Variants in UGGT2 observed in about 807,000 individuals in gnomAD.
UGGT2 encodes the protein UDP-glucose:glycoprotein glucosyltransferase 2.
A neutral mutation model predicts 192.1 loss-of-function variants in UGGT2; 180 were observed. That is an observed-to-expected ratio of 0.94 (90% CI 0.83 to 1.06). UGGT2 has a LOEUF of 1.06. Ranked by LOEUF, UGGT2 falls within the 50% of genes least tolerant of loss-of-function variation. The pLI, the probability that UGGT2 is intolerant of heterozygous loss-of-function variation, is 0.00. For missense variants in UGGT2, 1,849 were observed against 1,795.7 expected, an observed-to-expected ratio of 1.03 and a Z score of -0.54; for synonymous variants, 580 against 591.0, an observed-to-expected ratio of 0.98 and a Z score of 0.27.
rs1435132431 is a variant in UGGT2, at chr13:96,026,698, T to C, written c.242-2939A>G. 1.1e-4 allele frequency among the ~76,000 whole-genome samples: 15 copies of C among 136,832 alleles called. 1 individual carries two copies. In the East Asian group the frequency reaches 3.4e-3, roughly 31 times the overall value. 89.8% of individuals were successfully genotyped at this position (136,832 alleles called of 152,430 possible). ...TTTTTTTTTTGAGACGGAGTCTCGC[T>C]CTGTCGCCCAGGTCGGACTGCGGAC... On this transcript the variant is annotated intron_variant, in intron 2 of 38. Coordinates refer to ENST00000376747, the MANE Select transcript of UGGT2 (RefSeq NM_020121.4).
At chr13:95,843,250 G>A (rs994750756) in intron 36 of UGGT2, among the ~76,000 whole-genome samples, 6 of 152,168 alleles carry the variant, frequency 3.9e-5, no homozygotes, top group African/African-American at 1.2e-4. Context: ...CAATGTATGC[G>A]AATTCTAGCA....
chr13:95,893,854 T>C (rs1431248316), intron 24 of UGGT2, among the ~76,000 whole-genome samples: 1 of 152,206 alleles, frequency 6.6e-6, no homozygotes, highest in Non-Finnish European at 1.5e-5. Flanking sequence ...AACAGCCTTT[T>C]ATTTCCATCC....
Position 95,927,130 on chromosome 13 carries a change from A to G in UGGT2, c.2102-4T>C, listed in dbSNP as rs1316601383. The G allele has an allele frequency of 6.2e-7, 1 of 1,607,480 alleles. No individual in the cohort carries two copies. The highest frequency in any genetic ancestry group is 8.5e-7 in the Non-Finnish European group (1 of 1,178,264). On this transcript the variant is annotated splice_polypyrimidine_tract_variant and splice_region_variant and intron_variant, in intron 18 of 38. Coordinates refer to ENST00000376747, the MANE Select transcript of UGGT2 (RefSeq NM_020121.4). ...AAATCTTCAACATCAGCAGTTACTGAAAAATTTCAAATTAAACGTTAAATA... is the reference window on the plus strand; with the variant it reads ...AAATCTTCAACATCAGCAGTTACTGGAAAATTTCAAATTAAACGTTAAATA...
intron 1 of UGGT2, among the ~76,000 whole-genome samples, chr13:96,047,613 T>C (rs977996356): frequency 6.6e-6 from 1 of 152,038 alleles, no homozygotes; most frequent in East Asian, 1.9e-4. Context: ...GAGACACACA[T>C]AGGCTCAAAA....
chr13:95,973,167 T>C (rs753986052), intron 10 of UGGT2, among the ~76,000 whole-genome samples: 4 of 151,618 alleles, frequency 2.6e-5, no homozygotes, highest in Non-Finnish European at 4.4e-5. Flanking sequence ...CGAAACTCCA[T>C]CTCAAAAAAA....
chr13:96,050,917 AT>A, intron 1 of UGGT2, among the ~76,000 whole-genome samples: 1 of 152,340 alleles, frequency 6.6e-6, no homozygotes, highest in Non-Finnish European at 1.5e-5. Context: ...TGTGGAAGAC[AT>A]TGTGGCGATT....
chr13:95,877,932 A>T, intron 27 of UGGT2, 76 bp from the exon 28 acceptor site: 4 of 1,402,320 alleles, frequency 2.9e-6, no homozygotes, highest in Non-Finnish European at 3.8e-6. Context: ...AATAAATGTG[A>T]TTATTTTAAT....
At chr13:95,996,625 T>C (rs913882783) in intron 6 of UGGT2, among the ~76,000 whole-genome samples, 4 of 152,196 alleles carry the variant, frequency 2.6e-5, no homozygotes, top group Admixed American at 6.5e-5. Context: ...GTGTGAGCTA[T>C]CTTTTTTAAC....
At chr13:95,954,710 A>G (rs1359086532) in intron 12 of UGGT2, among the ~76,000 whole-genome samples, 5 of 152,194 alleles carry the variant, frequency 3.3e-5, no homozygotes, top group Admixed American at 2.0e-4. Flanking sequence ...ACCAATGTAC[A>G]TCTTACATAT....
intron 27 of UGGT2, among the ~76,000 whole-genome samples, chr13:95,883,809 G>A (rs556175595): frequency 1.4e-4 from 22 of 152,116 alleles, no homozygotes; most frequent in African/African-American, 5.1e-4. Flanking sequence ...CTTCCAAAAC[G>A]CTTCCCTTTT....
chr13:95,978,537 C>T (rs2051013053), intron 10 of UGGT2, among the ~76,000 whole-genome samples: 1 of 152,118 alleles, frequency 6.6e-6, no homozygotes, highest in Non-Finnish European at 1.5e-5. Flanking sequence ...TTGATATGAT[C>T]CCATTTGTCC....
chr13:95,844,246 G>A (rs545983726), intron 36 of UGGT2, among the ~76,000 whole-genome samples: 1 of 152,294 alleles, frequency 6.6e-6, no homozygotes, highest in South Asian at 2.1e-4. Context: ...ACAGGCGTGA[G>A]CCACCACGCC....
At chr13:95,859,776 T>A in intron 32 of UGGT2, 101 bp from the exon 33 acceptor site, 1 of 882,520 alleles carries the variant, frequency 1.1e-6, no homozygotes, top group African/African-American at 1.7e-5. Flanking sequence ...TTTTAATTTC[T>A]TAAATTTTAC....
In UGGT2 at chr13:95,974,541, G is replaced by A. The variant is rs1440655835; in HGVS notation, c.1093-1870C>T. Reference sequence around the variant, plus strand: ...GAAAACAGGTAACAGACTGAACTCAGCAAGTCTGCTTGCTCAAACACTGTC... The same window carrying A: ...GAAAACAGGTAACAGACTGAACTCAACAAGTCTGCTTGCTCAAACACTGTC... On this transcript the variant is annotated intron_variant, in intron 10 of 38. Coordinates refer to ENST00000376747, the MANE Select transcript of UGGT2 (RefSeq NM_020121.4). 2.0e-5 allele frequency among the ~76,000 whole-genome samples: 3 copies of A among 152,190 alleles called. No individual in the cohort carries two copies. In the East Asian group the frequency reaches 5.8e-4, roughly 29 times the overall value.
intron 2 of UGGT2, among the ~76,000 whole-genome samples, chr13:96,026,831 C>T (rs2052684440): frequency 1.3e-5 from 2 of 151,900 alleles, no homozygotes; most frequent in Admixed American, 6.5e-5. Context: ...TCCACCGCGC[C>T]CGGCTAATTT....
At chr13:96,038,471 A>C (rs988279894) in intron 1 of UGGT2, among the ~76,000 whole-genome samples, 1 of 152,208 alleles carries the variant, frequency 6.6e-6, no homozygotes, top group African/African-American at 2.4e-5. Context: ...AGACTGTAAA[A>C]GAATGATATA....
chr13:95,991,255 G>A, intron 7 of UGGT2: 1 of 265,824 alleles, frequency 3.8e-6, no homozygotes, highest in Non-Finnish European at 7.7e-6. Context: ...GGGCATTGCT[G>A]GGTCAAATGG....
intron 29 of UGGT2, among the ~76,000 whole-genome samples, chr13:95,870,797 C>T (rs1255100916): frequency 6.6e-6 from 1 of 152,206 alleles, no homozygotes; most frequent in African/African-American, 2.4e-5. Flanking sequence ...ATTGTATTGC[C>T]ATTGTGGCAG....
chr13:95,853,445 GA>G, intron 36 of UGGT2, 97 bp downstream of exon 36: 1 of 916,440 alleles, frequency 1.1e-6, no homozygotes. Flanking sequence ...AGTAAATTGA[GA>G]AAAAACTCAA....
Sources: gnomAD v4.1 joint callset for allele counts (sites outside exome capture counted in the v4.1 genomes callset) on GRCh38, gnomAD v4.1.1 for gene constraint, MANE v1.5 for transcripts, NCBI Gene and HGNC (gene_info 2026-07-23, HGNC 2026-07-21) for gene names.